Variants in RYR3 observed in about 807,000 individuals in gnomAD.
The protein encoded by RYR3 is ryanodine receptor 3.
Under a neutral mutation model 584.3 loss-of-function variants are expected in RYR3, and 207 were observed. That is an observed-to-expected ratio of 0.35 (90% CI 0.32 to 0.40). RYR3 has a LOEUF of 0.40. RYR3 is among the 10% of genes least tolerant of loss of function. The probability of loss-of-function intolerance (pLI) is 1.00; values close to 1 mark genes in which losing one functional copy is unlikely to be tolerated. For synonymous variants in RYR3, 2,416 were observed against 2,248.5 expected, an observed-to-expected ratio of 1.07 and a Z score of -2.11; for missense variants, 5,616 against 6,089.2, an observed-to-expected ratio of 0.92 and a Z score of 2.59.
At chr15:33,730,552 T>A (rs2068863769) in intron 47 of RYR3, among the ~76,000 whole-genome samples, 1 of 152,198 alleles carries the variant, frequency 6.6e-6, no homozygotes, top group South Asian at 2.1e-4. Context: ...CAATGAGACA[T>A]GTATATAGTT....
At chr15:33,692,230 C>A (rs926024587) in intron 38 of RYR3, among the ~76,000 whole-genome samples, 4 of 152,158 alleles carry the variant, frequency 2.6e-5, no homozygotes, top group African/African-American at 9.7e-5. Flanking sequence ...TGCACGGGAG[C>A]TAATTAAAAT....
chr15:33,582,145 A>G (rs1301008930), intron 14 of RYR3, among the ~76,000 whole-genome samples: 6 of 152,216 alleles, frequency 3.9e-5, no homozygotes, highest in Non-Finnish European at 5.9e-5. Context: ...TTCTCACAAT[A>G]TGGAGTGTGT....
intron 1 of RYR3, among the ~76,000 whole-genome samples, chr15:33,314,932 A>AC (rs113648783): frequency 0.54 from 81,099 of 150,150 alleles, 21,957 homozygotes; most frequent in Non-Finnish European, 0.56. Context: ...CAAACAACAA[A>AC]AAAAAAAACC....
At chr15:33,497,043 G>A (rs2051502771) in intron 2 of RYR3, among the ~76,000 whole-genome samples, 4 of 152,138 alleles carry the variant, frequency 2.6e-5, no homozygotes, top group Non-Finnish European at 5.9e-5. Context: ...TACCTGCATG[G>A]CTAATACGGG....
chr15:33,829,086 G>A (rs2077526780), intron 85 of RYR3, among the ~76,000 whole-genome samples: 1 of 151,984 alleles, frequency 6.6e-6, no homozygotes. Context: ...CATGCTCTAT[G>A]TATGGAAAAA....
At chr15:33,517,219 T>C (rs1271716659) in intron 3 of RYR3, among the ~76,000 whole-genome samples, 1 of 152,218 alleles carries the variant, frequency 6.6e-6, no homozygotes, top group Non-Finnish European at 1.5e-5. Context: ...GGTCTTGAAC[T>C]CCCGACCTCG....
chr15:33,735,780 A>T (rs1431979529), intron 48 of RYR3, among the ~76,000 whole-genome samples: 2 of 152,218 alleles, frequency 1.3e-5, no homozygotes, highest in Non-Finnish European at 2.9e-5. Context: ...TTCATGGCCC[A>T]GATCATAAGG....
At chr15:33,679,647 G>GC (rs1221896968) in intron 38 of RYR3, among the ~76,000 whole-genome samples, 1 of 152,150 alleles carries the variant, frequency 6.6e-6, no homozygotes, top group Non-Finnish European at 1.5e-5. Flanking sequence ...TAGGTGACTT[G>GC]CCCAAGGTCA....
intron 3 of RYR3, among the ~76,000 whole-genome samples, chr15:33,517,032 C>T (rs946803783): frequency 1.3e-5 from 2 of 152,098 alleles, no homozygotes; most frequent in Non-Finnish European, 2.9e-5. Flanking sequence ...CACTCTATTG[C>T]CCAGGCTGCT....
chr15:33,339,808 G>T (rs1213204379), intron 1 of RYR3, among the ~76,000 whole-genome samples: 1 of 150,828 alleles, frequency 6.6e-6, no homozygotes, highest in Non-Finnish European at 1.5e-5. Flanking sequence ...AGAATGGCGT[G>T]AACCCGGGAG....
At chr15:33,391,081 C>T (rs574346191) in intron 1 of RYR3, among the ~76,000 whole-genome samples, 1 of 152,126 alleles carries the variant, frequency 6.6e-6, no homozygotes, top group Non-Finnish European at 1.5e-5. Flanking sequence ...TGAGAGTAAT[C>T]TTTGGGATCC....
intron 1 of RYR3, among the ~76,000 whole-genome samples, chr15:33,384,708 TA>T (rs2041465849): frequency 6.6e-6 from 1 of 151,790 alleles, no homozygotes; most frequent in Non-Finnish European, 1.5e-5. Context: ...ATCTAAACTC[TA>T]CTCTCTTAGC....
intron 88 of RYR3, 119 bp from the exon 89 acceptor site, chr15:33,837,512 G>A (rs1221081849): frequency 3.0e-5 from 33 of 1,082,590 alleles, no homozygotes; most frequent in Non-Finnish European, 4.3e-5. Flanking sequence ...ACATCATCAC[G>A]GTCAGAGAAG....
chr15:33,401,434 A>C (rs17817151), intron 1 of RYR3, among the ~76,000 whole-genome samples: 38,018 of 152,116 alleles, frequency 0.25, 5,803 homozygotes, highest in Admixed American at 0.35. Flanking sequence ...ATCCTCTGAC[A>C]AGTCTTCCAA....
At chr15:33,646,693 A>G (rs918877616) in intron 29 of RYR3, among the ~76,000 whole-genome samples, 167 bp downstream of exon 29, 3 of 152,250 alleles carry the variant, frequency 2.0e-5, no homozygotes, top group African/African-American at 4.8e-5. Context: ...TGTACATGCA[A>G]GTACACGTGT....
At chr15:33,790,535 T>A (rs1027212073) in intron 67 of RYR3, among the ~76,000 whole-genome samples, 1 of 152,122 alleles carries the variant, frequency 6.6e-6, no homozygotes, top group African/African-American at 2.4e-5. Flanking sequence ...TGTGGATACA[T>A]CAGATTTGGC....
chr15:33,792,725 A>G (rs1596615269), intron 67 of RYR3, among the ~76,000 whole-genome samples: 1 of 152,232 alleles, frequency 6.6e-6, no homozygotes, highest in East Asian at 1.9e-4. Context: ...ATGTAAGTCT[A>G]TAAAATCATA....
intron 94 of RYR3, chr15:33,849,313 CTGAT>C (rs1454246072): frequency 6.6e-6 from 1 of 152,196 alleles, no homozygotes; most frequent in Non-Finnish European, 1.5e-5. Context: ...AGGAAGAGCA[CTGAT>C]TGACAGGCAG....
chr15:33,325,725 TCTTCCTTCCTTC>T (rs67855881), intron 1 of RYR3, among the ~76,000 whole-genome samples: 18,275 of 91,268 alleles, frequency 0.2, 1,974 homozygotes, highest in East Asian at 0.29. Flanking sequence ...CCCCTCCCCC[TCTTCCTTCCTTC>T]CTTCCTTCCT....
Sources: allele counts gnomAD v4.1 joint callset (sites outside exome capture counted in the v4.1 genomes callset), GRCh38; gene constraint gnomAD v4.1.1; transcripts MANE v1.5; gene names NCBI Gene and HGNC (gene_info 2026-07-23, HGNC 2026-07-21).